DPP10: variants seen among roughly 807,000 people sequenced by gnomAD.
DPP10 encodes the protein inactive dipeptidyl peptidase 10.
Under a neutral mutation model 120.9 loss-of-function variants are expected in DPP10, and 33 were observed. That is an observed-to-expected ratio of 0.27 (90% CI 0.21 to 0.37). DPP10 has a LOEUF of 0.37. Ranked by LOEUF, DPP10 falls within the 10% of genes least tolerant of loss-of-function variation. The pLI is 1.00. For missense variants in DPP10, 816 were observed against 942.8 expected (o/e 0.87, Z 1.76); for synonymous variants, 337 against 326.1 (o/e 1.03, Z -0.36).
At chr2:115,690,030 T>C (rs62155260) in intron 7 of DPP10, 109 bp downstream of exon 7, 104,168 of 1,042,916 alleles carry the variant, frequency 0.1, 6,004 homozygotes, top group Middle Eastern at 0.12. Flanking sequence ...CAAAACTTTA[T>C]GTTTCCCTAA....
At chr2:115,500,520 C>A (rs1474144668) in intron 4 of DPP10, among the ~76,000 whole-genome samples, 1 of 151,708 alleles carries the variant, frequency 6.6e-6, no homozygotes, top group Non-Finnish European at 1.5e-5. Context: ...AAAAAATGGA[C>A]TAAGAATATT....
chr2:115,134,960 G>A (rs1280731430), intron 1 of DPP10, among the ~76,000 whole-genome samples: 1 of 152,054 alleles, frequency 6.6e-6, no homozygotes, highest in Non-Finnish European at 1.5e-5. Flanking sequence ...CCACACTGCT[G>A]CTCTAACAGA....
intron 1 of DPP10, among the ~76,000 whole-genome samples, chr2:114,874,666 A>G (rs995445960): frequency 6.6e-6 from 1 of 152,118 alleles, no homozygotes; most frequent in Non-Finnish European, 1.5e-5. Flanking sequence ...AATGTAATGT[A>G]CTAGAATCAT....
intron 1 of DPP10, among the ~76,000 whole-genome samples, chr2:115,110,253 G>GA (rs776959860): frequency 1.3e-5 from 2 of 152,176 alleles, no homozygotes; most frequent in African/African-American, 2.4e-5. Context: ...TTGGAAGTAA[G>GA]AAAAAATCAG....
chr2:115,226,869 T>C (rs74381099), intron 1 of DPP10, among the ~76,000 whole-genome samples: 1,666 of 152,278 alleles, frequency 0.011, 29 homozygotes, highest in African/African-American at 0.038. Flanking sequence ...GTATAACCAA[T>C]TGTAATAAAT....
At chr2:114,502,411 A>G (rs1683277329) in intron 1 of DPP10, among the ~76,000 whole-genome samples, 1 of 152,236 alleles carries the variant, frequency 6.6e-6, no homozygotes, top group Non-Finnish European at 1.5e-5. Context: ...TCATGAACAT[A>G]TCCCCTTTAT....
At position 114,946,101 on chromosome 2, in the gene DPP10, T is replaced by G. The variant is rs192665766; in HGVS notation, c.61-363138T>G. ...CCTGAAAAGACATGTCAACTAAATGTAATGTTGAACACTGAATGGATCTTG... is the reference window on the plus strand; with the variant it reads ...CCTGAAAAGACATGTCAACTAAATGGAATGTTGAACACTGAATGGATCTTG... On this transcript the variant is annotated intron_variant, in intron 1 of 25. Coordinates refer to ENST00000410059, the MANE Select transcript of DPP10 (RefSeq NM_020868.6). 1.5e-3 allele frequency among the ~76,000 whole-genome samples: 230 copies of G among 152,254 alleles called. 2 individuals carry two copies. Among genetic ancestry groups the G allele is most frequent in the African/African-American group, 5.2e-3 (215 of 41,548 alleles).
chr2:115,100,061 T>C (rs895324494), intron 1 of DPP10, among the ~76,000 whole-genome samples: 8 of 152,200 alleles, frequency 5.3e-5, no homozygotes, highest in Non-Finnish European at 1.2e-4. Flanking sequence ...TTCTGCTCTT[T>C]CCAGAGTGAA....
intron 3 of DPP10, among the ~76,000 whole-genome samples, chr2:115,433,139 C>G (rs1386762542): frequency 6.6e-6 from 1 of 151,936 alleles, no homozygotes; most frequent in African/African-American, 2.4e-5. Flanking sequence ...AGAATTCAGT[C>G]TGTGTATTTT....
chr2:115,364,241 C>T (rs1234048438), intron 3 of DPP10, among the ~76,000 whole-genome samples: 1 of 152,006 alleles, frequency 6.6e-6, no homozygotes, highest in Non-Finnish European at 1.5e-5. Context: ...TTGCTGCCTT[C>T]ACTTTGGCAG....
chr2:114,768,768 C>A (rs1315742159), intron 1 of DPP10, among the ~76,000 whole-genome samples: 2 of 152,136 alleles, frequency 1.3e-5, no homozygotes, highest in Non-Finnish European at 2.9e-5. Flanking sequence ...CAAGTGTTCC[C>A]AGGATCTGTC....
At chr2:115,018,116 A>G (rs1000248474) in intron 1 of DPP10, among the ~76,000 whole-genome samples, 1 of 152,228 alleles carries the variant, frequency 6.6e-6, no homozygotes, top group Non-Finnish European at 1.5e-5. Flanking sequence ...AAAGCTCATC[A>G]TCACTGTTCA....
chr2:115,836,824 G>A (rs1689589139), intron 24 of DPP10, 78 bp downstream of exon 24: 1 of 1,362,384 alleles, frequency 7.3e-7, no homozygotes, highest in East Asian at 2.3e-5. Context: ...CTTGCTTACA[G>A]GAAGCCCTGT....
intron 1 of DPP10, among the ~76,000 whole-genome samples, chr2:115,195,751 G>A (rs1467048159): frequency 6.6e-6 from 1 of 152,242 alleles, no homozygotes; most frequent in Middle Eastern, 3.4e-3. Context: ...CCTTGGTTTT[G>A]CTTTATGCGC....
intron 1 of DPP10, among the ~76,000 whole-genome samples, chr2:114,791,430 CCTGT>C (rs1487890704): frequency 2.6e-5 from 4 of 152,272 alleles, no homozygotes; most frequent in African/African-American, 9.6e-5. Context: ...TAGAAATCTG[CCTGT>C]CTCACTCAGG....
intron 3 of DPP10, among the ~76,000 whole-genome samples, chr2:115,426,435 C>G (rs1433741014): frequency 5.8e-5 from 3 of 51,606 alleles, no homozygotes; most frequent in African/African-American, 2.7e-4. Context: ...CCAGGTGCCA[C>G]CTCCGACGCT....
At chr2:115,789,649 A>G (rs1683725342) in intron 17 of DPP10, among the ~76,000 whole-genome samples, 1 of 152,224 alleles carries the variant, frequency 6.6e-6, no homozygotes, top group Non-Finnish European at 1.5e-5. Flanking sequence ...AAATATATGC[A>G]GTAAAACTGT....
chr2:115,380,751 G>C (rs987382727), intron 3 of DPP10, among the ~76,000 whole-genome samples: 2 of 151,992 alleles, frequency 1.3e-5, no homozygotes, highest in African/African-American at 4.8e-5. Context: ...AGGCCTGGTG[G>C]TGACAAAATC....
intron 3 of DPP10, among the ~76,000 whole-genome samples, chr2:115,386,316 C>T (rs1038481343): frequency 6.6e-6 from 1 of 152,000 alleles, no homozygotes; most frequent in African/African-American, 2.4e-5. Context: ...GGGCTCTAGA[C>T]AGAGAAAAGG....
Sources: gnomAD v4.1 joint callset for allele counts (sites outside exome capture counted in the v4.1 genomes callset) on GRCh38, gnomAD v4.1.1 for gene constraint, MANE v1.5 for transcripts, NCBI Gene and HGNC (gene_info 2026-07-23, HGNC 2026-07-21) for gene names.